Variants in MFSD11 observed in about 807,000 individuals in gnomAD.
MFSD11 encodes the protein UNC93-like protein MFSD11.
In MFSD11, 36 loss-of-function variants were observed where a neutral mutation model predicts 53.5. The ratio of observed to expected loss-of-function variants is 0.67; its 90% confidence interval spans 0.52 to 0.89. The LOEUF is 0.89. MFSD11 is among the 40% of genes least tolerant of loss of function. The pLI is 0.00. For synonymous variants in MFSD11, 186 were observed against 184.9 expected, an observed-to-expected ratio of 1.01 and a Z score of -0.05; for missense variants, 530 against 543.9, an observed-to-expected ratio of 0.97 and a Z score of 0.25.
At chr17:76,775,679 T>C (rs575371999) in intron 11 of MFSD11, among the ~76,000 whole-genome samples, 174 of 152,232 alleles carry the variant, frequency 1.1e-3, no homozygotes, top group Middle Eastern at 3.4e-3. Context: ...ACAAACTGAG[T>C]ATATCGCATC....
At position 76,744,485 on chromosome 17, in the gene MFSD11, T is replaced by C; in HGVS notation, c.641+19T>C. On this transcript the variant is annotated intron_variant, in intron 7 of 12. Transcript: ENST00000685175. ...TCAACGAGTAAGATGTTGGAAACAT[T>C]CTATTTTATTTTAAAATAGATTTTG... 1 of 1,600,562 alleles carries C rather than the reference T, an allele frequency of 6.2e-7. No homozygotes were observed. Among genetic ancestry groups the C allele is most frequent in the South Asian group, 1.1e-5 (1 of 88,908 alleles).
At chr17:76,756,562 C>G (rs2079652052) in intron 8 of MFSD11, among the ~76,000 whole-genome samples, 1 of 152,106 alleles carries the variant, frequency 6.6e-6, no homozygotes, top group African/African-American at 2.4e-5. Context: ...ACTTGTCTGT[C>G]AGAATACCCA....
Position 76,763,485 on chromosome 17 carries a change from A to T in MFSD11, c.683-3901A>T, listed in dbSNP as rs143042550. Among the ~76,000 whole-genome samples, 86 of 152,118 alleles carry T rather than the reference A, an allele frequency of 5.7e-4. 1 individual carries two copies. The highest frequency in any genetic ancestry group is 2.0e-3 in the African/African-American group (81 of 41,530). On this transcript the variant is annotated intron_variant, in intron 8 of 12. Coordinates refer to ENST00000685175, the MANE Select transcript of MFSD11 (RefSeq NM_001242532.5). The stretch of plus-strand genomic sequence containing the variant: ...CACCATGTTGGCCTGGCTGATCTTG[A>T]ATTCCTGATCTCAAGTGATCCACCC...
rs537278133 is a variant in MFSD11, at chr17:76,768,857, T to C, written c.749-889T>C. The stretch of plus-strand genomic sequence containing the variant: ...TAAATTACCCGGGTGTGGTGGTGCA[T>C]GCCTGTAATCCCAGCTACTTGGGAG... On this transcript the variant is annotated intron_variant, in intron 9 of 12. Transcript: ENST00000685175. Among the ~76,000 whole-genome samples the C allele has an allele frequency of 7.8e-4, 119 of 152,012 alleles. No homozygotes were observed. The South Asian group carries it at 0.013, about 16-fold the overall frequency.
At chr17:76,738,714 C>A (rs1384629412) in intron 1 of MFSD11, among the ~76,000 whole-genome samples, 2 of 152,144 alleles carry the variant, frequency 1.3e-5, no homozygotes, top group African/African-American at 2.4e-5. Flanking sequence ...TTAAGCGCTT[C>A]CTTAGTACTT....
the MFSD11 span, among the ~76,000 whole-genome samples, chr17:76,801,733 C>T: frequency 6.6e-6 from 1 of 152,124 alleles, no homozygotes; most frequent in Non-Finnish European, 1.5e-5. Flanking sequence ...GTCTGAACCA[C>T]CGTGCCTGGC....
intron 8 of MFSD11, among the ~76,000 whole-genome samples, chr17:76,755,301 C>T (rs2079452587): frequency 1.3e-5 from 2 of 152,102 alleles, no homozygotes; most frequent in African/African-American, 2.4e-5. Flanking sequence ...TCTTAATTTC[C>T]TTCAGAAACT....
chr17:76,785,540 A>T (rs1568128954), downstream of MFSD11, among the ~76,000 whole-genome samples: 1 of 151,752 alleles, frequency 6.6e-6, no homozygotes, highest in Non-Finnish European at 1.5e-5. Context: ...GGGTTTCACC[A>T]TGCTGCCAGG....
chr17:76,760,082 G>A (rs11077861), intron 8 of MFSD11, among the ~76,000 whole-genome samples: 149,203 of 150,788 alleles, frequency 0.99, 73,832 homozygotes, highest in East Asian at 1. Flanking sequence ...AGCCTGGCCA[G>A]CATGGCGAAA....
downstream of MFSD11, among the ~76,000 whole-genome samples, chr17:76,784,555 A>G (rs912531127): frequency 6.6e-6 from 1 of 151,574 alleles, no homozygotes; most frequent in Non-Finnish European, 1.5e-5. Context: ...TGGATAAACA[A>G]AATGTGGTTT....
downstream of MFSD11, among the ~76,000 whole-genome samples, chr17:76,781,988 ATTTTTTT>A (rs57536397): frequency 1.5e-5 from 2 of 137,406 alleles, no homozygotes; most frequent in African/African-American, 2.8e-5. Flanking sequence ...TGCCTGGATA[ATTTTTTT>A]TTTTTTTTTG....
the MFSD11 span, among the ~76,000 whole-genome samples, chr17:76,790,075 C>CTTTTTT: frequency 1.5e-5 from 2 of 136,032 alleles, no homozygotes; most frequent in African/African-American, 5.4e-5. Flanking sequence ...CATTTCTTTT[C>CTTTTTT]TTTTTTTTTT....
At chr17:76,796,479 A>G in the MFSD11 span, among the ~76,000 whole-genome samples, 3 of 152,138 alleles carry the variant, frequency 2.0e-5, no homozygotes, top group African/African-American at 7.2e-5. Flanking sequence ...TCCAACACCA[A>G]ATCTCTGGGG....
rs1224263988 is a variant in MFSD11 at position 76,776,663 on chromosome 17, TAG to T, written c.1185+125_1185+126del. ...TATTTATTTATTTTTATTTTTTTGA[TAG>T]AGTCTCTCTCTGTCACTCAGGCTGG... On this transcript the variant is annotated intron_variant, in intron 12 of 12. Transcript: ENST00000685175. The surrounding 1 kb of genome is among the most constrained non-coding windows in gnomAD (Gnocchi z 4.2). 5.2e-6 allele frequency: 5 copies of T among 968,354 alleles called. No homozygotes were observed. Among genetic ancestry groups the T allele is most frequent in the Admixed American group, 6.3e-5 (2 of 31,612 alleles). The allele number at this position is 968,354 out of a possible 1,614,324, so 60.0% of individuals were successfully genotyped here. A position where few individuals can be genotyped will look rare whatever the true frequency, so the allele number is the denominator to read the frequency against.
At chr17:76,739,327 G>T (rs2077821275) in intron 2 of MFSD11, among the ~76,000 whole-genome samples, 1 of 152,194 alleles carries the variant, frequency 6.6e-6, no homozygotes, top group African/African-American at 2.4e-5. Flanking sequence ...GTATTGTCAT[G>T]ATTAGAATTC....
chr17:76,759,417 G>A (rs2079976207), intron 8 of MFSD11, among the ~76,000 whole-genome samples: 2 of 151,406 alleles, frequency 1.3e-5, no homozygotes, highest in Admixed American at 6.6e-5. Flanking sequence ...TGAGTAGCTG[G>A]GATTACAGGT....
the MFSD11 span, among the ~76,000 whole-genome samples, chr17:76,795,465 G>A: frequency 2.0e-5 from 3 of 151,878 alleles, no homozygotes; most frequent in Non-Finnish European, 4.4e-5. Flanking sequence ...CTCCAGCCTG[G>A]GTGACAGAAC....
chr17:76,763,085 G>T (rs540058003), intron 8 of MFSD11, among the ~76,000 whole-genome samples: 1 of 152,148 alleles, frequency 6.6e-6, no homozygotes, highest in East Asian at 1.9e-4. Context: ...TTTTTGTGTG[G>T]ATGTGTTTTC....
chr17:76,778,451 A>G lies in MFSD11; in HGVS notation c.*99A>G. On this transcript the variant is annotated 3_prime_UTR_variant, in exon 13 of 13. Transcript: ENST00000685175. ...TTTGATCTTCACTATATATTGGGTG[A>G]TGTTCAGTATGGAAAATCAAGGGAT... The G allele has an allele frequency of 5.1e-6, 6 of 1,180,872 alleles. No individual in the cohort carries two copies. The highest frequency in any genetic ancestry group is 6.1e-6 in the Non-Finnish European group (5 of 824,948). The allele number at this position is 1,180,872 out of a possible 1,614,324, so 73.1% of individuals were successfully genotyped here.
Sources: allele counts gnomAD v4.1 joint callset (sites outside exome capture counted in the v4.1 genomes callset), GRCh38; gene constraint gnomAD v4.1.1; non-coding constraint Gnocchi (gnomAD v3.1); transcripts MANE v1.5; gene names NCBI Gene and HGNC (gene_info 2026-07-23, HGNC 2026-07-21).